Variants in GPC5 observed in about 807,000 individuals in gnomAD.
GPC5 encodes the protein glypican-5.
In GPC5, 47 loss-of-function variants were observed where a neutral mutation model predicts 53.9. The ratio of observed to expected loss-of-function variants is 0.87; its 90% CI spans 0.69 to 1.11. The LOEUF (loss-of-function observed/expected upper bound fraction) is 1.11, where lower values mean the gene tolerates loss of function less well. Ranked by LOEUF, GPC5 falls within the 50% of genes most tolerant of loss-of-function variation. The probability of loss-of-function intolerance (pLI) is 0.00; values close to 1 mark genes in which losing one functional copy is unlikely to be tolerated. For synonymous variants in GPC5, 286 were observed against 263.3 expected (o/e 1.09, Z -0.84); for missense variants, 748 against 713.1 (o/e 1.05, Z -0.56).
intron 1 of GPC5, among the ~76,000 whole-genome samples, chr13:91,424,174 C>G (rs1167922583): frequency 6.6e-6 from 1 of 152,028 alleles, no homozygotes; most frequent in Non-Finnish European, 1.5e-5. Flanking sequence ...AGGATAGGAC[C>G]TCATAGTAAC....
intron 5 of GPC5, among the ~76,000 whole-genome samples, chr13:91,896,390 A>T (rs543379057): frequency 6.6e-6 from 1 of 152,256 alleles, no homozygotes; most frequent in East Asian, 1.9e-4. Flanking sequence ...AAGTGTTGGG[A>T]TTACAGGCAT....
intron 1 of GPC5, among the ~76,000 whole-genome samples, chr13:91,406,126 A>G (rs1233268514): frequency 1.3e-5 from 2 of 152,188 alleles, no homozygotes; most frequent in African/African-American, 4.8e-5. Context: ...TGGTCTCTGC[A>G]AATTATGTAG....
intron 1 of GPC5, among the ~76,000 whole-genome samples, chr13:91,426,074 CAG>C (rs1879022276): frequency 6.6e-6 from 1 of 152,088 alleles, no homozygotes; most frequent in Admixed American, 6.5e-5. Flanking sequence ...AAAAGGGAAA[CAG>C]AGCATAAAAT....
chr13:91,409,915 T>C (rs1210666817), intron 1 of GPC5, among the ~76,000 whole-genome samples: 1 of 152,216 alleles, frequency 6.6e-6, no homozygotes, highest in Non-Finnish European at 1.5e-5. Context: ...TTTATGTGCA[T>C]GAGAGCACAG....
rs79129065 is a variant in GPC5, at chr13:92,593,607, C to T, written c.1562-272675C>T. Among the ~76,000 whole-genome samples, 1,024 of 149,010 alleles carry T rather than the reference C, an allele frequency of 6.9e-3. 34 individuals carry two copies. The highest frequency in any genetic ancestry group is 0.023 in the African/African-American group (934 of 40,890). ...GACTGAATTTTATCAACAGAAAGTA[C>T]GTTTAGAATGGGAAGAGAAGATGTT... On this transcript the variant is annotated intron_variant, in intron 7 of 7. Transcript: ENST00000377067.
At chr13:92,177,882 C>A (rs943673574) in intron 7 of GPC5, among the ~76,000 whole-genome samples, 1 of 152,136 alleles carries the variant, frequency 6.6e-6, no homozygotes, top group Non-Finnish European at 1.5e-5. Flanking sequence ...TATTTTCTTT[C>A]AGTTCAGGCA....
intron 1 of GPC5, among the ~76,000 whole-genome samples, chr13:91,417,863 A>G (rs1405603886): frequency 1.3e-5 from 2 of 152,124 alleles, no homozygotes; most frequent in Non-Finnish European, 2.9e-5. Flanking sequence ...GACGCAACTG[A>G]CTTCATTTTT....
At chr13:91,590,211 C>A (rs905143884) in intron 2 of GPC5, among the ~76,000 whole-genome samples, 4 of 151,384 alleles carry the variant, frequency 2.6e-5, no homozygotes, top group African/African-American at 9.7e-5. Context: ...TATCAAATTA[C>A]CCTATCAAAT....
intron 5 of GPC5, among the ~76,000 whole-genome samples, chr13:91,758,454 C>A (rs1265124624): frequency 2.6e-5 from 4 of 151,994 alleles, no homozygotes; most frequent in Non-Finnish European, 4.4e-5. Flanking sequence ...GCTGCAAGAA[C>A]CTTAATCTGA....
At chr13:92,389,432 C>T (rs1006684064) in intron 7 of GPC5, among the ~76,000 whole-genome samples, 1 of 152,058 alleles carries the variant, frequency 6.6e-6, no homozygotes, top group Non-Finnish European at 1.5e-5. Context: ...CACAAAGCAA[C>T]CCGGGCAATT....
rs142517452 is a variant in GPC5 at position 91,886,766 on chromosome 13, G to A, written c.1281-21171G>A. 3.2e-4 allele frequency among the ~76,000 whole-genome samples: 48 copies of A among 152,352 alleles called. No homozygotes were observed. The East Asian group carries it at 9.1e-3, about 29-fold the overall frequency. On this transcript the variant is annotated intron_variant, in intron 5 of 7. Transcript: ENST00000377067. ...CAAAAATGATCTCCTTTGGCTTTAT[G>A]TCTTACATGCAAGTCACAGTGATCC...
intron 2 of GPC5, among the ~76,000 whole-genome samples, chr13:91,689,498 C>G (rs1403649092): frequency 6.6e-6 from 1 of 150,782 alleles, no homozygotes; most frequent in Non-Finnish European, 1.5e-5. Flanking sequence ...CTTTAAACTT[C>G]AATTTTTAAA....
chr13:92,333,151 T>G (rs1444765597), intron 7 of GPC5, among the ~76,000 whole-genome samples: 1 of 152,036 alleles, frequency 6.6e-6, no homozygotes, highest in African/African-American at 2.4e-5. Context: ...GTCTCAGAAT[T>G]AAAAACTCCA....
intron 2 of GPC5, among the ~76,000 whole-genome samples, chr13:91,529,144 C>T (rs913796321): frequency 2.0e-5 from 3 of 152,136 alleles, no homozygotes; most frequent in African/African-American, 2.4e-5. Flanking sequence ...TAGAATAAGG[C>T]GTTCTGTTTT....
chr13:92,013,179 C>G (rs1371145339), intron 6 of GPC5, among the ~76,000 whole-genome samples: 9 of 152,172 alleles, frequency 5.9e-5, no homozygotes, highest in Admixed American at 4.6e-4. Context: ...ATTGGTGGCT[C>G]CCAAACTCTT....
chr13:92,087,925 G>T (rs1296832413), intron 6 of GPC5, among the ~76,000 whole-genome samples: 2 of 151,144 alleles, frequency 1.3e-5, no homozygotes, highest in East Asian at 1.9e-4. Context: ...CTATTCTCTA[G>T]CTTCCAACTA....
At chr13:92,593,748 CAAAG>C (rs1883785450) in intron 7 of GPC5, among the ~76,000 whole-genome samples, 1 of 151,992 alleles carries the variant, frequency 6.6e-6, no homozygotes, top group South Asian at 2.1e-4. Context: ...TCTAAGAAGT[CAAAG>C]AAAGAAAGTG....
intron 7 of GPC5, among the ~76,000 whole-genome samples, chr13:92,863,586 C>T (rs1282303909): frequency 2.0e-5 from 3 of 152,122 alleles, no homozygotes; most frequent in Non-Finnish European, 2.9e-5. Flanking sequence ...CTCCACCTCC[C>T]GAGTTCAAGT....
At chr13:92,493,516 G>C (rs1333829332) in intron 7 of GPC5, among the ~76,000 whole-genome samples, 1 of 152,150 alleles carries the variant, frequency 6.6e-6, no homozygotes, top group Non-Finnish European at 1.5e-5. Context: ...GTTAACTGCA[G>C]TAGTAGGTTT....
Sources: gnomAD v4.1 joint callset for allele counts (sites outside exome capture counted in the v4.1 genomes callset) on GRCh38, gnomAD v4.1.1 for gene constraint, MANE v1.5 for transcripts, NCBI Gene and HGNC (gene_info 2026-07-23, HGNC 2026-07-21) for gene names.